The following MBD5 variants were observed in gnomAD, a reference collection of about 807,000 sequenced individuals.
MBD5 encodes methyl-CpG binding domain protein 5.
MBD5 carries 13 observed loss-of-function variants against 117.3 expected under a neutral mutation model. That is an observed-to-expected ratio of 0.11 (90% CI 0.07 to 0.18). The LOEUF is 0.18. Ranked by LOEUF, MBD5 falls within the 10% of genes least tolerant of loss-of-function variation. The pLI is 1.00. For missense variants in MBD5, 1,879 were observed against 2,093.8 expected, an observed-to-expected ratio of 0.90 and a Z score of 2.00; for synonymous variants, 727 against 766.4, an observed-to-expected ratio of 0.95 and a Z score of 0.85.
At chr2:148,177,258 G>T (rs1422467317) in intron 1 of MBD5, among the ~76,000 whole-genome samples, 1 of 152,076 alleles carries the variant, frequency 6.6e-6, no homozygotes, top group Non-Finnish European at 1.5e-5. Flanking sequence ...GTGTGCTTTA[G>T]ATCACAATTC....
intron 4 of MBD5, among the ~76,000 whole-genome samples, chr2:148,447,236 G>A (rs1319345028): frequency 1.1e-4 from 15 of 134,054 alleles, no homozygotes; most frequent in African/African-American, 4.3e-4. Context: ...AGAAAGAAAG[G>A]GAAAGGAGGG....
At chr2:148,148,868 C>G (rs1697550308) in intron 1 of MBD5, among the ~76,000 whole-genome samples, 2 of 151,912 alleles carry the variant, frequency 1.3e-5, no homozygotes, top group Admixed American at 1.3e-4. Flanking sequence ...CTCTATATGC[C>G]CTTGTGGGCA....
Position 148,483,846 on chromosome 2 carries a change from GAAT to G in MBD5, c.3256_3258del (p.Asn1086del). On this transcript the variant is annotated inframe_deletion, in exon 9 of 14. Transcript: ENST00000642680. Reference sequence around the variant, plus strand: ...ATGGGGCCTCAGGATTAATGACCTTGAATCCCCAGCTGTTGGGAGGTGTCCTGA... The same window carrying G: ...ATGGGGCCTCAGGATTAATGACCTTGCCCCAGCTGTTGGGAGGTGTCCTGA... The G allele has an allele frequency of 6.4e-7, 1 of 1,550,520 alleles. No individual in the cohort carries two copies. Among genetic ancestry groups the G allele is most frequent in the Non-Finnish European group, 8.7e-7 (1 of 1,146,966 alleles).
At position 148,514,210 on chromosome 2, in the gene MBD5, C is replaced by G. The variant is rs994768811; in HGVS notation, c.*1269C>G. The G allele has an allele frequency of 1.3e-5, 2 of 151,762 alleles. No individual in the cohort carries two copies. Among genetic ancestry groups the G allele is most frequent in the Admixed American group, 6.6e-5 (1 of 15,248 alleles). 9.4% of individuals were successfully genotyped at this position (151,762 alleles called of 1,614,324 possible). ...AAAATGTGCAGGTTAAATCTATTAA[C>G]CAAATTATTTATATTATATTAAGTA... On this transcript the variant is annotated 3_prime_UTR_variant, in exon 14 of 14. Coordinates refer to ENST00000642680, the MANE Select transcript of MBD5 (RefSeq NM_001378120.1).
intron 1 of MBD5, among the ~76,000 whole-genome samples, chr2:148,102,473 C>T (rs1696241378): frequency 6.6e-6 from 1 of 151,966 alleles, no homozygotes; most frequent in Non-Finnish European, 1.5e-5. Context: ...GTCTGTTACA[C>T]AGCTGTGACA....
chr2:148,282,909 A>T lies in MBD5; in HGVS notation c.-680+49514A>T, dbSNP rs1390385399. 2.6e-5 allele frequency among the ~76,000 whole-genome samples: 3 copies of T among 117,354 alleles called. No homozygotes were observed. The South Asian group carries it at 9.8e-4, about 38-fold the overall frequency. 77.0% of individuals were successfully genotyped at this position (117,354 alleles called of 152,430 possible). On this transcript the variant is annotated intron_variant, in intron 3 of 13. Transcript: ENST00000642680. ...TTTTAAGACTTAACCGCCCCCCCCC[A>T]TCAGATGCAATTATTAGTTGTCTCT...
chr2:148,417,783 A>G (rs1574402641), intron 4 of MBD5, among the ~76,000 whole-genome samples: 1 of 149,310 alleles, frequency 6.7e-6, no homozygotes. Context: ...TAATCAAGCC[A>G]TTTGCCCACT....
At position 148,256,566 on chromosome 2, in the gene MBD5, A is replaced by G. The variant is rs181287248; in HGVS notation, c.-680+23171A>G. Among the ~76,000 whole-genome samples the G allele has an allele frequency of 2.0e-3, 300 of 152,370 alleles. 1 individual carries two copies. Among genetic ancestry groups the G allele is most frequent in the African/African-American group, 6.8e-3 (282 of 41,594 alleles). ...CCAGCTATTGATACAGATTACCATC[A>G]GTGTCACCTCCTTGGTGATCACCAT... On this transcript the variant is annotated intron_variant, in intron 3 of 13. Coordinates refer to ENST00000642680, the MANE Select transcript of MBD5 (RefSeq NM_001378120.1).
At chr2:148,278,026 T>C (rs1273040146) in intron 3 of MBD5, among the ~76,000 whole-genome samples, 3 of 152,186 alleles carry the variant, frequency 2.0e-5, no homozygotes, top group African/African-American at 7.2e-5. Context: ...GAAAATTTTC[T>C]TGGGTCCCTT....
At chr2:148,114,552 TG>T (rs1302331539) in intron 1 of MBD5, among the ~76,000 whole-genome samples, 1 of 152,164 alleles carries the variant, frequency 6.6e-6, no homozygotes, top group Non-Finnish European at 1.5e-5. Flanking sequence ...TATACCAAAA[TG>T]GTTTAATTTA....
chr2:148,083,536 T>G (rs1362193753), intron 1 of MBD5, among the ~76,000 whole-genome samples: 1 of 152,184 alleles, frequency 6.6e-6, no homozygotes, highest in Non-Finnish European at 1.5e-5. Context: ...TAACATATTT[T>G]ATTCAAGAAT....
intron 1 of MBD5, among the ~76,000 whole-genome samples, chr2:148,082,862 T>C (rs1410327973): frequency 6.6e-6 from 1 of 152,240 alleles, no homozygotes; most frequent in East Asian, 1.9e-4. Flanking sequence ...AATACGTAGG[T>C]TATCCTCTAT....
At chr2:148,143,053 G>A (rs966093635) in intron 1 of MBD5, among the ~76,000 whole-genome samples, 3 of 152,154 alleles carry the variant, frequency 2.0e-5, no homozygotes, top group African/African-American at 7.2e-5. Flanking sequence ...GGATGCAAAA[G>A]AGCTAAGTCT....
intron 1 of MBD5, among the ~76,000 whole-genome samples, chr2:148,048,178 CCTT>C (rs957007703): frequency 7.9e-5 from 12 of 152,138 alleles, no homozygotes; most frequent in Non-Finnish European, 1.8e-4. Context: ...CTAACTACCT[CCTT>C]CTCATGGTTT....
At chr2:148,283,925 T>C (rs1159703364) in intron 3 of MBD5, among the ~76,000 whole-genome samples, 2 of 152,180 alleles carry the variant, frequency 1.3e-5, no homozygotes, top group Non-Finnish European at 2.9e-5. Context: ...ATACACTGAG[T>C]ATCCTGCTTT....
At position 148,346,974 on chromosome 2, in the gene MBD5, T is replaced by G. The variant is rs1703139164; in HGVS notation, c.-557+4638T>G. The G allele has an allele frequency of 2.0e-5, 3 of 152,006 alleles. No homozygotes were observed. In the South Asian group the frequency reaches 6.2e-4, roughly 31 times the overall value. 9.4% of individuals were successfully genotyped at this position (152,006 alleles called of 1,614,324 possible). ...TGTACCTCAAATCTGGCTTCATTAATTGAGAATTCATGGCCAATCTTGTTT... is the reference window on the plus strand; with the variant it reads ...TGTACCTCAAATCTGGCTTCATTAAGTGAGAATTCATGGCCAATCTTGTTT... On this transcript the variant is annotated intron_variant, in intron 4 of 13. Coordinates refer to ENST00000642680, the MANE Select transcript of MBD5 (RefSeq NM_001378120.1).
At chr2:148,247,494 G>A (rs1200209229) in intron 3 of MBD5, among the ~76,000 whole-genome samples, 1 of 152,104 alleles carries the variant, frequency 6.6e-6, no homozygotes, top group Non-Finnish European at 1.5e-5. Flanking sequence ...GAAGATAGTA[G>A]CCCAAAGCCA....
intron 11 of MBD5, among the ~76,000 whole-genome samples, chr2:148,495,875 C>T (rs1681686110): frequency 6.6e-6 from 1 of 152,242 alleles, no homozygotes. Context: ...ATCACACACA[C>T]ATGTGTTTTG....
chr2:148,484,260 T>G, intron 9 of MBD5, 125 bp downstream of exon 9: 1 of 826,062 alleles, frequency 1.2e-6, no homozygotes, highest in African/African-American at 1.7e-5. Context: ...CACAGCTTGC[T>G]TAAGGAACTA....
Sources: allele counts gnomAD v4.1 joint callset (sites outside exome capture counted in the v4.1 genomes callset), GRCh38; gene constraint gnomAD v4.1.1; transcripts MANE v1.5; gene names NCBI Gene and HGNC (gene_info 2026-07-23, HGNC 2026-07-21).